Variants in ZYG11B observed in about 807,000 individuals in gnomAD.
The protein encoded by ZYG11B is zyg-11 family member B, cell cycle regulator, also known as protein zyg-11 homolog B.
Under a neutral mutation model 82.4 loss-of-function variants are expected in ZYG11B, and 36 were observed. That is an observed-to-expected ratio of 0.44 (90% confidence interval 0.33 to 0.58). The LOEUF (loss-of-function observed/expected upper bound fraction) is 0.58, where lower values mean the gene tolerates loss of function less well. Ranked by LOEUF, ZYG11B falls within the 20% of genes least tolerant of loss-of-function variation. The pLI is 0.02. For missense variants in ZYG11B, 552 were observed against 895.6 expected (o/e 0.62, Z 4.90); for synonymous variants, 303 against 312.8 (o/e 0.97, Z 0.33).
intron 2 of ZYG11B, among the ~76,000 whole-genome samples, chr1:52,770,092 A>ATATTTTT (rs1553259758): frequency 1.4e-4 from 13 of 94,470 alleles, no homozygotes; most frequent in Admixed American, 2.7e-4. Context: ...ATATATATAT[A>ATATTTTT]TTTTTTTTTT....
At chr1:52,747,989 ATAGT>A (rs1330419216) in intron 1 of ZYG11B, among the ~76,000 whole-genome samples, 15 of 152,224 alleles carry the variant, frequency 9.9e-5, no homozygotes, top group South Asian at 4.1e-4. Context: ...AGCACTTAGC[ATAGT>A]TAGTAGCATA....
Position 52,754,163 on chromosome 1 carries a change from C to G in ZYG11B, c.31-2295C>G, listed in dbSNP as rs576838362. ...GCCTCAGCCTCCCAAGTAGCTGGGACTACAGACACCTACAACCACACCAGC... is the reference window on the plus strand; with the variant it reads ...GCCTCAGCCTCCCAAGTAGCTGGGAGTACAGACACCTACAACCACACCAGC... On this transcript the variant is annotated intron_variant, in intron 1 of 13. Coordinates refer to ENST00000294353, the MANE Select transcript of ZYG11B (RefSeq NM_024646.3). Among the ~76,000 whole-genome samples, 9 of 144,886 alleles carry G rather than the reference C, an allele frequency of 6.2e-5. No individual in the cohort carries two copies. The East Asian group carries it at 1.5e-3, about 24-fold the overall frequency.
At chr1:52,768,412 T>A (rs917580613) in intron 2 of ZYG11B, among the ~76,000 whole-genome samples, 2 of 152,192 alleles carry the variant, frequency 1.3e-5, no homozygotes, top group Admixed American at 6.5e-5. Flanking sequence ...GCCTCATTTC[T>A]TCTGTCCCAT....
At chr1:52,813,152 C>T (rs1459215153) in intron 10 of ZYG11B, among the ~76,000 whole-genome samples, 10 of 152,178 alleles carry the variant, frequency 6.6e-5, no homozygotes, top group African/African-American at 2.4e-4. Context: ...AGGATTTATT[C>T]ATATACTACT....
At chr1:52,803,087 C>CACATATATATATATATATAT (rs1471683117) in intron 10 of ZYG11B, among the ~76,000 whole-genome samples, 1 of 22,548 alleles carries the variant, frequency 4.4e-5, no homozygotes, top group Admixed American at 7.2e-4. Flanking sequence ...TATATATACA[C>CACATATATATATATATATAT]ATATATATAT....
intron 1 of ZYG11B, among the ~76,000 whole-genome samples, chr1:52,752,836 A>G (rs1037856114): frequency 2.3e-5 from 3 of 131,716 alleles, no homozygotes; most frequent in African/African-American, 6.3e-5. Flanking sequence ...AGTAAAAACA[A>G]TTCGGACCAT....
chr1:52,786,296 T>C (rs1460619495), intron 5 of ZYG11B, among the ~76,000 whole-genome samples: 1 of 152,060 alleles, frequency 6.6e-6, no homozygotes, highest in Admixed American at 6.6e-5. Flanking sequence ...GTTATAGAGT[T>C]TCCTTCTGGG....
At chr1:52,791,530 G>A (rs527698379) in intron 6 of ZYG11B, among the ~76,000 whole-genome samples, 3 of 151,740 alleles carry the variant, frequency 2.0e-5, no homozygotes, top group Non-Finnish European at 2.9e-5. Context: ...CATCATACCC[G>A]GCTAATTTTT....
At chr1:52,726,746 T>A in intron 1 of ZYG11B, 63 bp downstream of exon 1, 1 of 1,409,568 alleles carries the variant, frequency 7.1e-7, no homozygotes, top group Non-Finnish European at 9.2e-7. Context: ...CCCGTCGCGC[T>A]GGCCCCTGCG....
intron 2 of ZYG11B, among the ~76,000 whole-genome samples, chr1:52,758,183 A>G (rs1044550891): frequency 6.9e-6 from 1 of 144,958 alleles, no homozygotes; most frequent in East Asian, 2.0e-4. Context: ...TGGGCGACAG[A>G]GCAAGACTCT....
intron 1 of ZYG11B, among the ~76,000 whole-genome samples, chr1:52,754,781 A>G (rs929426381): frequency 1.3e-5 from 2 of 152,154 alleles, no homozygotes; most frequent in Admixed American, 1.3e-4. Flanking sequence ...TTACTGATCT[A>G]AAGCCCGGAC....
intron 2 of ZYG11B, 139 bp downstream of exon 2, chr1:52,756,762 A>G (rs1644580414): frequency 3.0e-6 from 2 of 676,190 alleles, no homozygotes; most frequent in Non-Finnish European, 4.6e-6. Flanking sequence ...CTATGAATTC[A>G]TTTATTTTTA....
At chr1:52,807,563 C>T (rs545156690) in intron 10 of ZYG11B, among the ~76,000 whole-genome samples, 47 of 148,804 alleles carry the variant, frequency 3.2e-4, no homozygotes, top group Non-Finnish European at 5.3e-4. Context: ...ATGATCTCAG[C>T]TCACTGCAGC....
At chr1:52,812,274 A>G (rs1012102822) in intron 10 of ZYG11B, among the ~76,000 whole-genome samples, 4 of 152,004 alleles carry the variant, frequency 2.6e-5, no homozygotes, top group Non-Finnish European at 4.4e-5. Flanking sequence ...GTGAAATGTA[A>G]CTTGGTGATT....
intron 2 of ZYG11B, among the ~76,000 whole-genome samples, chr1:52,758,198 CA>C (rs11325463): frequency 0.26 from 17,504 of 66,598 alleles, 1,705 homozygotes; most frequent in African/African-American, 0.47. Context: ...GACTCTGTCT[CA>C]AAAAAAAAAA....
At chr1:52,759,088 C>T (rs980043582) in intron 2 of ZYG11B, among the ~76,000 whole-genome samples, 9 of 152,186 alleles carry the variant, frequency 5.9e-5, no homozygotes, top group South Asian at 2.1e-4. Flanking sequence ...CCCACCAACA[C>T]GCCCAGCTAA....
intron 10 of ZYG11B, among the ~76,000 whole-genome samples, chr1:52,807,596 A>G (rs979629791): frequency 2.0e-5 from 3 of 151,426 alleles, no homozygotes; most frequent in Non-Finnish European, 4.4e-5. Context: ...GGCTAAAGCA[A>G]TTCCCCAACC....
intron 2 of ZYG11B, among the ~76,000 whole-genome samples, chr1:52,768,477 A>C (rs1428595647): frequency 6.6e-6 from 1 of 151,996 alleles, no homozygotes; most frequent in Non-Finnish European, 1.5e-5. Context: ...GCTATTTCTT[A>C]TGTTCAAGCA....
chr1:52,789,958 A>C, intron 5 of ZYG11B, 45 bp from the exon 6 acceptor site: 1 of 1,392,406 alleles, frequency 7.2e-7, no homozygotes, highest in Non-Finnish European at 9.9e-7. Flanking sequence ...AAATATAACA[A>C]AGTGATATTT....
Sources: allele counts gnomAD v4.1 joint callset (sites outside exome capture counted in the v4.1 genomes callset), GRCh38; gene constraint gnomAD v4.1.1; transcripts MANE v1.5; gene names NCBI Gene and HGNC (gene_info 2026-07-23, HGNC 2026-07-21).